The following ARHGAP11B variants were observed in gnomAD, a reference collection of about 807,000 sequenced individuals.
ARHGAP11B encodes inactive Rho GTPase-activating protein 11B.
In ARHGAP11B, 14 loss-of-function variants were observed where a neutral mutation model predicts 27.6. The ratio of observed to expected loss-of-function variants is 0.51; its 90% CI spans 0.34 to 0.79. The LOEUF (loss-of-function observed/expected upper bound fraction) is 0.79, where lower values mean the gene tolerates loss of function less well. ARHGAP11B is among the 30% of genes least tolerant of loss of function. The probability of loss-of-function intolerance (pLI) is 0.02; values close to 1 mark genes in which losing one functional copy is unlikely to be tolerated. For synonymous variants in ARHGAP11B, 82 were observed against 114.1 expected, an observed-to-expected ratio of 0.72 and a Z score of 1.80; for missense variants, 245 against 320.1, an observed-to-expected ratio of 0.77 and a Z score of 1.79.
In ARHGAP11B at chr15:30,633,474, A is replaced by G; in HGVS notation, c.201-16A>G. The G allele has an allele frequency of 6.2e-7, 1 of 1,605,850 alleles. No individual in the cohort carries two copies. The highest frequency in any genetic ancestry group is 1.1e-5 in the South Asian group (1 of 90,028). On this transcript the variant is annotated splice_polypyrimidine_tract_variant and intron_variant, in intron 2 of 10. Transcript: ENST00000428041. Reference sequence around the variant, plus strand: ...TGATATGTATGTCTAGCCACCTGAAAAAATCTCTCTTTCAGCTTTCTTGTC... The same window carrying G: ...TGATATGTATGTCTAGCCACCTGAAGAAATCTCTCTTTCAGCTTTCTTGTC...
chr15:30,644,125 CA>C (rs567741917), intron 7 of ARHGAP11B, among the ~76,000 whole-genome samples: 3,792 of 144,890 alleles, frequency 0.026, 148 homozygotes, highest in African/African-American at 0.082. Flanking sequence ...CTACTATTTA[CA>C]AAAAAAAAAA....
chr15:30,627,333 C>T (rs1302042806), intron 1 of ARHGAP11B, among the ~76,000 whole-genome samples: 1 of 151,972 alleles, frequency 6.6e-6, no homozygotes, highest in Non-Finnish European at 1.5e-5. Flanking sequence ...CCGGATATTG[C>T]CAGCTTACTG....
chr15:30,648,039 T>G (rs2060362070), intron 10 of ARHGAP11B, among the ~76,000 whole-genome samples: 1 of 151,988 alleles, frequency 6.6e-6, no homozygotes. Context: ...GCTCAAGTGA[T>G]TCTCCCATCT....
chr15:30,638,735 T>C lies in ARHGAP11B; in HGVS notation c.*4-11T>C, dbSNP rs1304002145. 4.8e-6 allele frequency: 7 copies of C among 1,459,156 alleles called. No homozygotes were observed. Among genetic ancestry groups the C allele is most frequent in the Non-Finnish European group, 6.4e-6 (7 of 1,086,216 alleles). 90.4% of individuals were successfully genotyped at this position (1,459,156 alleles called of 1,614,324 possible). On this transcript the variant is annotated splice_polypyrimidine_tract_variant and intron_variant, in intron 6 of 10. Transcript: ENST00000428041. ...ATGTGAAGTTGTAATTGCTTATGTC[T>C]TGCATTTCAGATTTTGTTAGTGGAG...
intron 7 of ARHGAP11B, among the ~76,000 whole-genome samples, chr15:30,640,121 A>G (rs1325040238): frequency 1.4e-5 from 2 of 139,124 alleles, no homozygotes; most frequent in East Asian, 2.1e-4. Context: ...GAATCCTGCT[A>G]TAGTTACATC....
chr15:30,644,545 T>C, intron 7 of ARHGAP11B: 1 of 690,360 alleles, frequency 1.4e-6, no homozygotes, highest in South Asian at 2.0e-5. Context: ...TCTTTTTTTG[T>C]CCTCATTGAT....
At chr15:30,642,697 C>A (rs1595678730) in intron 7 of ARHGAP11B, among the ~76,000 whole-genome samples, 2 of 151,934 alleles carry the variant, frequency 1.3e-5, no homozygotes, top group South Asian at 4.1e-4. Context: ...CAAACTCAAG[C>A]CTGTCTCCAA....
chr15:30,636,751 C>A (rs1335097104), intron 6 of ARHGAP11B, among the ~76,000 whole-genome samples: 1 of 151,290 alleles, frequency 6.6e-6, no homozygotes, highest in East Asian at 1.9e-4. Flanking sequence ...CTTGCCTCTT[C>A]CTGGCTCCTG....
chr15:30,637,411 T>C (rs888233095), intron 6 of ARHGAP11B, among the ~76,000 whole-genome samples: 8 of 152,112 alleles, frequency 5.3e-5, no homozygotes, highest in Non-Finnish European at 1.2e-4. Context: ...TAAGATTCTA[T>C]CTCCATAGTG....
intron 6 of ARHGAP11B, among the ~76,000 whole-genome samples, chr15:30,637,947 G>A (rs1186296270): frequency 6.6e-6 from 1 of 150,606 alleles, no homozygotes; most frequent in Non-Finnish European, 1.5e-5. Context: ...AGTCTCCCAA[G>A]TAGCTGGGAT....
At chr15:30,647,074 A>C (rs1303409156) in intron 9 of ARHGAP11B, among the ~76,000 whole-genome samples, 1 of 152,016 alleles carries the variant, frequency 6.6e-6, no homozygotes, top group South Asian at 2.1e-4. Flanking sequence ...TGGTTCCTTT[A>C]CTGGGTCATC....
intron 7 of ARHGAP11B, among the ~76,000 whole-genome samples, chr15:30,643,646 G>T (rs973732257): frequency 6.6e-6 from 1 of 152,016 alleles, no homozygotes; most frequent in Non-Finnish European, 1.5e-5. Flanking sequence ...AGAGTAACTG[G>T]TTGGGTGTTT....
chr15:30,628,632 A>G (rs975961313), intron 1 of ARHGAP11B, among the ~76,000 whole-genome samples: 1 of 152,120 alleles, frequency 6.6e-6, no homozygotes, highest in Non-Finnish European at 1.5e-5. Flanking sequence ...GATAGTTGTC[A>G]TATCATTGGT....
exon 9 of ARHGAP11B, chr15:30,646,229 C>A (rs2060346926): frequency 9.6e-7 from 1 of 1,044,822 alleles, no homozygotes; most frequent in South Asian, 3.4e-5. Context: ...AGTTTAATCT[C>A]CTTTGCTATT....
Position 30,638,478 on chromosome 15 carries a change from C to A in ARHGAP11B, c.*4-268C>A, listed in dbSNP as rs575482957. On this transcript the variant is annotated intron_variant, in intron 6 of 10. Coordinates refer to ENST00000428041, the Ensembl canonical transcript of ARHGAP11B. ...ACATGTAATGATTTCTTTTTCCCTA[C>A]CCTTACTGTACATTATATGTATTTG... Among the ~76,000 whole-genome samples, 19 of 151,826 alleles carry A rather than the reference C, an allele frequency of 1.3e-4. 1 individual carries two copies. The East Asian group carries it at 2.1e-3, about 17-fold the overall frequency.
chr15:30,636,859 C>T (rs1336652289), intron 6 of ARHGAP11B, among the ~76,000 whole-genome samples: 1 of 152,054 alleles, frequency 6.6e-6, no homozygotes, highest in South Asian at 2.1e-4. Flanking sequence ...TCAGAACTTC[C>T]CTCTTACAGG....
chr15:30,644,682 T>C, exon 8 of ARHGAP11B: 2 of 1,587,564 alleles, frequency 1.3e-6, no homozygotes, highest in Non-Finnish European at 1.7e-6. Context: ...CCAAAAATAT[T>C]GCATCTACCA....
intron 9 of ARHGAP11B, among the ~76,000 whole-genome samples, chr15:30,647,102 T>C (rs2060354520): frequency 6.6e-6 from 1 of 152,034 alleles, no homozygotes; most frequent in Non-Finnish European, 1.5e-5. Flanking sequence ...CTGCAAGGTT[T>C]CTGCTGTGAC....
At chr15:30,629,609 C>T (rs79143480) in intron 1 of ARHGAP11B, among the ~76,000 whole-genome samples, 9 of 152,012 alleles carry the variant, frequency 5.9e-5, no homozygotes, top group Admixed American at 2.6e-4. Context: ...AAGCCCTTAC[C>T]ATACTATACT....
Sources: allele counts gnomAD v4.1 joint callset (sites outside exome capture counted in the v4.1 genomes callset), GRCh38; gene constraint gnomAD v4.1.1; transcripts MANE v1.5; gene names NCBI Gene and HGNC (gene_info 2026-07-23, HGNC 2026-07-21).